Variants in TNFSF4 observed in about 807,000 individuals in gnomAD.
TNFSF4 encodes the protein TNF superfamily member 4.
A neutral mutation model predicts 7.3 loss-of-function variants in TNFSF4; 4 were observed. That is an observed-to-expected ratio of 0.55 (90% confidence interval 0.27 to 1.25). The LOEUF (loss-of-function observed/expected upper bound fraction) is 1.25. TNFSF4 is among the 50% of genes most tolerant of loss of function. The pLI is 0.12. For missense variants in TNFSF4, 181 were observed against 208.8 expected (o/e 0.87, Z 0.82); for synonymous variants, 76 against 83.7 (o/e 0.91, Z 0.50).
At chr1:173,431,931 G>A in the TNFSF4 span, among the ~76,000 whole-genome samples, 1 of 152,116 alleles carries the variant, frequency 6.6e-6, no homozygotes, top group Non-Finnish European at 1.5e-5. Flanking sequence ...TAGCCCCCTT[G>A]GCTAGAATAC....
chr1:173,420,041 T>C, the TNFSF4 span, among the ~76,000 whole-genome samples: 2 of 152,180 alleles, frequency 1.3e-5, no homozygotes, highest in Admixed American at 1.3e-4. Context: ...TTGAGTGAGC[T>C]GCATGCAGCA....
chr1:173,360,277 G>A, the TNFSF4 span, among the ~76,000 whole-genome samples: 2 of 152,190 alleles, frequency 1.3e-5, no homozygotes, highest in Admixed American at 6.5e-5. Context: ...CCATTCTCCT[G>A]GACTGTGCCT....
the TNFSF4 span, among the ~76,000 whole-genome samples, chr1:173,440,065 C>G: frequency 6.6e-6 from 1 of 152,130 alleles, no homozygotes; most frequent in East Asian, 1.9e-4. Context: ...CCCTTTCTAC[C>G]CTTATTCTAT....
At chr1:173,441,642 A>C in the TNFSF4 span, among the ~76,000 whole-genome samples, 1 of 152,108 alleles carries the variant, frequency 6.6e-6, no homozygotes, top group Non-Finnish European at 1.5e-5. Context: ...ATTAAGTCCA[A>C]AGATCAGTTG....
chr1:173,268,770 G>T, the TNFSF4 span, among the ~76,000 whole-genome samples: 1 of 152,100 alleles, frequency 6.6e-6, no homozygotes, highest in East Asian at 1.9e-4. Context: ...TAGGTTGGAT[G>T]AAAGTAAAAG....
the TNFSF4 span, among the ~76,000 whole-genome samples, chr1:173,247,283 T>C: frequency 2.0e-5 from 3 of 152,056 alleles, no homozygotes; most frequent in Non-Finnish European, 4.4e-5. Context: ...AGTTAAAGCA[T>C]AGAAGGGTGA....
chr1:173,201,095 A>G (rs1649923665), intron 1 of TNFSF4, among the ~76,000 whole-genome samples: 1 of 152,230 alleles, frequency 6.6e-6, no homozygotes, highest in African/African-American at 2.4e-5. Flanking sequence ...TTGGTAGCCA[A>G]GTCATTGGAG....
the TNFSF4 span, among the ~76,000 whole-genome samples, chr1:173,417,232 T>G: frequency 6.6e-6 from 1 of 152,246 alleles, no homozygotes; most frequent in Non-Finnish European, 1.5e-5. Flanking sequence ...GATTATCAGC[T>G]TTGCGGGTGC....
chr1:173,373,376 C>A, the TNFSF4 span, among the ~76,000 whole-genome samples: 7 of 152,300 alleles, frequency 4.6e-5, 1 homozygote, highest in Middle Eastern at 0.01. Flanking sequence ...TATGGAACAA[C>A]CCCCTCCAAG....
chr1:173,241,133 CTT>C, the TNFSF4 span, among the ~76,000 whole-genome samples: 3 of 152,142 alleles, frequency 2.0e-5, no homozygotes, highest in African/African-American at 7.2e-5. Flanking sequence ...CAAGAAAAAA[CTT>C]TGTTGGGAAA....
At chr1:173,208,325 C>T (rs1650270164), upstream of TNFSF4, among the ~76,000 whole-genome samples, 1 of 152,060 alleles carries the variant, frequency 6.6e-6, no homozygotes, top group Non-Finnish European at 1.5e-5. Context: ...CTCTTTGTGG[C>T]CAAGTATGTC....
the TNFSF4 span, among the ~76,000 whole-genome samples, chr1:173,373,140 G>A: frequency 6.6e-6 from 1 of 152,244 alleles, no homozygotes; most frequent in Non-Finnish European, 1.5e-5. Flanking sequence ...AATATGGAAA[G>A]AAAGGGAGTT....
the TNFSF4 span, among the ~76,000 whole-genome samples, chr1:173,450,643 T>TCAC: frequency 6.7e-6 from 1 of 150,282 alleles, no homozygotes; most frequent in African/African-American, 2.4e-5. Flanking sequence ...TCAATGTAAT[T>TCAC]CACCACGTCA....
At chr1:173,274,914 T>G in the TNFSF4 span, among the ~76,000 whole-genome samples, 1 of 152,264 alleles carries the variant, frequency 6.6e-6, no homozygotes, top group Non-Finnish European at 1.5e-5. Context: ...AAACTTTCCA[T>G]ATGTTTTTAG....
chr1:173,313,847 G>A, the TNFSF4 span, among the ~76,000 whole-genome samples: 1 of 152,014 alleles, frequency 6.6e-6, no homozygotes, highest in African/African-American at 2.4e-5. Context: ...TATGTAAATA[G>A]TAATATTTGA....
chr1:173,400,178 C>T, the TNFSF4 span, among the ~76,000 whole-genome samples: 1 of 152,262 alleles, frequency 6.6e-6, no homozygotes, highest in Admixed American at 6.5e-5. Flanking sequence ...ATGGAATTCA[C>T]TTGTCTTACC....
the TNFSF4 span, among the ~76,000 whole-genome samples, chr1:173,429,581 T>C: frequency 6.6e-6 from 1 of 152,196 alleles, no homozygotes; most frequent in Non-Finnish European, 1.5e-5. Context: ...GATCCAAGAC[T>C]GAGCACAGGC....
the TNFSF4 span, among the ~76,000 whole-genome samples, chr1:173,405,685 A>T: frequency 6.6e-6 from 1 of 152,256 alleles, no homozygotes; most frequent in Non-Finnish European, 1.5e-5. Context: ...CATTTAAATT[A>T]AATAAGATTG....
the TNFSF4 span, chr1:173,418,397 C>T: frequency 2.6e-5 from 4 of 152,316 alleles, no homozygotes; most frequent in South Asian, 6.2e-4. Flanking sequence ...CTTATTACAT[C>T]CCGGAAACCC....
Sources: gnomAD v4.1 joint callset for allele counts (sites outside exome capture counted in the v4.1 genomes callset) on GRCh38, gnomAD v4.1.1 for gene constraint, MANE v1.5 for transcripts, NCBI Gene and HGNC (gene_info 2026-07-23, HGNC 2026-07-21) for gene names.